RNF183: variants seen among roughly 807,000 people sequenced by gnomAD.
The protein encoded by RNF183 is ring finger protein 183.
In RNF183, 4 loss-of-function variants were observed where a neutral mutation model predicts 9.0. The observed-to-expected ratio is 0.44, with a 90% CI of 0.22 to 1.01. The LOEUF (loss-of-function observed/expected upper bound fraction) is 1.01, where lower values mean the gene tolerates loss of function less well. RNF183 is among the 50% of genes least tolerant of loss of function. The pLI, the probability that RNF183 is intolerant of heterozygous loss-of-function variation, is 0.25. For synonymous variants in RNF183, 102 were observed against 107.5 expected (o/e 0.95, Z 0.32); for missense variants, 227 against 253.6 (o/e 0.89, Z 0.71).
chr9:113,299,335 G>A (rs776518726), intron 4 of RNF183: 9 of 152,220 alleles, frequency 5.9e-5, no homozygotes, highest in African/African-American at 2.2e-4. Context: ...TGGCAATTTC[G>A]TCTTTGTAGA....
Position 113,297,687 on chromosome 9 carries a change from C to T in RNF183, c.498G>A (p.Leu166=), listed in dbSNP as rs758065620. 1.6e-5 allele frequency: 26 copies of T among 1,613,848 alleles called. No homozygotes were observed. The highest frequency in any genetic ancestry group is 1.0e-5 in the Non-Finnish European group (12 of 1,180,016). Residue 166 remains leucine (L), a synonymous_variant, in exon 5 of 5, where the codon CTG becomes CTA. Coordinates refer to ENST00000489339, the MANE Select transcript of RNF183 (RefSeq NM_001371237.1). ...GAGTGACACTGAGGATGACGGCCAT[C>T]AGGTAGGCAAAGATGCGGAACTGAG... The part of the protein sequence containing the change: ...RNPQFRIFAY[L]MAVILSVTLL...
chr9:113,297,496 G>A lies in RNF183; in HGVS notation c.*110C>T, dbSNP rs960038678. ...AAACACATGGCCTGAACAATCCCTG[G>A]ATTGTAAAATAAACAACACTACAAA... On this transcript the variant is annotated 3_prime_UTR_variant, in exon 5 of 5. Coordinates refer to ENST00000489339, the MANE Select transcript of RNF183 (RefSeq NM_001371237.1). 1 of 727,232 alleles carries A rather than the reference G, an allele frequency of 1.4e-6. No individual in the cohort carries two copies. The highest frequency in any genetic ancestry group is 2.7e-5 in the East Asian group (1 of 36,674). The allele number at this position is 727,232 out of a possible 1,614,324, so 45.0% of individuals were successfully genotyped here.
rs1832968029 is a variant in RNF183, at chr9:113,303,052, T to G, written c.-441+4A>C. 6.5e-6 allele frequency: 1 copy of G among 152,760 alleles called. No homozygotes were observed. Among genetic ancestry groups the G allele is most frequent in the Admixed American group, 6.5e-5 (1 of 15,288 alleles). The allele number at this position is 152,760 out of a possible 1,614,324, so 9.5% of individuals were successfully genotyped here. A position where few individuals can be genotyped will look rare whatever the true frequency, so the allele number is the denominator to read the frequency against. On this transcript the variant is annotated splice_donor_region_variant and intron_variant, in intron 1 of 4. Transcript: ENST00000489339. ...TCCCTCCGCGACCCTCTCTGTCTCCTTACCTGCTCCCTCGGAGCCGCCTCC... is the reference window on the plus strand; with the variant it reads ...TCCCTCCGCGACCCTCTCTGTCTCCGTACCTGCTCCCTCGGAGCCGCCTCC...
chr9:113,297,746 T>C lies in RNF183; in HGVS notation c.439A>G (p.Ser147Gly). The change falls in exon 5 of 5, where the codon AGC (serine) becomes GGC (glycine). Residue 147 changes from serine to glycine, a missense_variant. Transcript: ENST00000489339. ...AAACACTCCCTCAAAGAGTGGTGGCTGGGGATGAGGATGGGCGTAGACACG... is the reference window on the plus strand; with the variant it reads ...AAACACTCCCTCAAAGAGTGGTGGCCGGGGATGAGGATGGGCGTAGACACG... ...ATVSTPILIP[S>G]HHSLRECFRN... 1.2e-6 allele frequency: 2 copies of C among 1,613,926 alleles called. No individual in the cohort carries two copies. The highest frequency in any genetic ancestry group is 1.7e-6 in the Non-Finnish European group (2 of 1,179,972).
Position 113,297,559 on chromosome 9 carries a change from C to G in RNF183, c.*47G>C, listed in dbSNP as rs1832759808. 3.0e-6 allele frequency: 4 copies of G among 1,346,042 alleles called. No homozygotes were observed. Among genetic ancestry groups the G allele is most frequent in the Non-Finnish European group, 4.1e-6 (4 of 970,966 alleles). 83.4% of individuals were successfully genotyped at this position (1,346,042 alleles called of 1,614,324 possible). The stretch of plus-strand genomic sequence containing the variant: ...CAAATGAGGCTCCGTAGTCACCATA[C>G]CCAGCAGCAACCGAAAAAGGTTTGG... On this transcript the variant is annotated 3_prime_UTR_variant, in exon 5 of 5. Coordinates refer to ENST00000489339, the MANE Select transcript of RNF183 (RefSeq NM_001371237.1).
At position 113,298,105 on chromosome 9, in the gene RNF183, G is replaced by T. The variant is rs1015890758; in HGVS notation, c.80C>A (p.Pro27His). 1.9e-6 allele frequency: 3 copies of T among 1,614,096 alleles called. No individual in the cohort carries two copies. The East Asian group carries it at 6.7e-5, about 36-fold the overall frequency. Reference protein sequence around the residue: ...WNPFNNTFHTPKMLDCCHSFC... With the variant: ...WNPFNNTFHTHKMLDCCHSFC... ...GGAGTGGCAGCAATCCAGCATTTTG[G>T]GGGTATGGAACGTGTTGTTGAAGGG... Residue 27 changes from proline to histidine, a missense_variant, in exon 5 of 5, where the codon CCC (proline) becomes CAC (histidine). Pro to His is a moderately conservative substitution (Grantham distance 77). Transcript: ENST00000489339. This position sits in a 1 kb window ranked among gnomAD's most constrained non-coding sequence, Gnocchi z 4.9.
In RNF183 at chr9:113,297,225, C is replaced by G. The variant is rs182424297; in HGVS notation, c.*381G>C. The G allele has an allele frequency of 6.3e-4, 97 of 154,382 alleles. No homozygotes were observed. The East Asian group carries it at 0.014, about 23-fold the overall frequency. The allele number at this position is 154,382 out of a possible 1,614,324, so 9.6% of individuals were successfully genotyped here. ...TTTTTAGCAACCCATAGTAAAAGAG[C>G]AACTCAAAAAAATATGCACTGATTT... On this transcript the variant is annotated 3_prime_UTR_variant, in exon 5 of 5. Coordinates refer to ENST00000489339, the MANE Select transcript of RNF183 (RefSeq NM_001371237.1).
intron 3 of RNF183, among the ~76,000 whole-genome samples, chr9:113,300,571 C>T (rs888343973): frequency 1.3e-5 from 2 of 152,056 alleles, no homozygotes; most frequent in Non-Finnish European, 2.9e-5. Flanking sequence ...AGAGCTGAGA[C>T]CAAAGTATAT....
chr9:113,302,781 A>C (rs1832954937), intron 1 of RNF183, among the ~76,000 whole-genome samples: 1 of 152,232 alleles, frequency 6.6e-6, no homozygotes. Flanking sequence ...GGGAAGGAAT[A>C]GTCTATACGG....
At chr9:113,301,277 TTACACAAACC>T (rs1832910903) in intron 3 of RNF183, among the ~76,000 whole-genome samples, 1 of 152,170 alleles carries the variant, frequency 6.6e-6, no homozygotes, top group Non-Finnish European at 1.5e-5. Flanking sequence ...CAGAGAGTAT[TTACACAAACC>T]TAGATGGTAG....
chr9:113,302,513 C>T (rs1832947179), intron 1 of RNF183, among the ~76,000 whole-genome samples, 200 bp from the exon 2 acceptor site: 1 of 152,160 alleles, frequency 6.6e-6, no homozygotes, highest in Non-Finnish European at 1.5e-5. Flanking sequence ...TACAAAGGGC[C>T]CTGGCCCTTG....
Position 113,297,942 on chromosome 9 carries a change from G to A in RNF183, c.243C>T (p.Leu81=), listed in dbSNP as rs748507038. Reference sequence around the variant, plus strand: ...GGTGGGGCTCCAGGCGGAGCAGGGCGAGCATGGCAGTGTCCGTGGGCAAGT... The same window carrying A: ...GGTGGGGCTCCAGGCGGAGCAGGGCAAGCATGGCAGTGTCCGTGGGCAAGT... The part of the protein sequence containing the change: ...VTDLPTDTAM[L]ALLRLEPHHV... Residue 81 remains leucine, a synonymous_variant, in exon 5 of 5, where the codon CTC becomes CTT. Transcript: ENST00000489339. 22 of 1,613,820 alleles carry A rather than the reference G, an allele frequency of 1.4e-5. No individual in the cohort carries two copies. The highest frequency in any genetic ancestry group is 4.5e-5 in the East Asian group (2 of 44,862).
intron 4 of RNF183, chr9:113,299,116 G>A (rs898487711): frequency 1.3e-5 from 2 of 152,208 alleles, no homozygotes; most frequent in Admixed American, 1.3e-4. Context: ...GCAGCACCTG[G>A]GGCTGCCAGG....
In RNF183 at chr9:113,297,458, T is replaced by A; in HGVS notation, c.*148A>T. On this transcript the variant is annotated 3_prime_UTR_variant, in exon 5 of 5. Transcript: ENST00000489339. ...TCGTTTTTTTGTTTTTTTTTAAAAT[T>A]GTTCCCAGAAGCAAACACATGGCCT... is the stretch of plus-strand genomic sequence containing the variant. 1 of 550,292 alleles carries A rather than the reference T, an allele frequency of 1.8e-6. No individual in the cohort carries two copies. Among genetic ancestry groups the A allele is most frequent in the Non-Finnish European group, 3.1e-6 (1 of 323,016 alleles). The allele number at this position is 550,292 out of a possible 1,614,324, so 34.1% of individuals were successfully genotyped here. A position where few individuals can be genotyped will look rare whatever the true frequency, so the allele number is the denominator to read the frequency against.
At position 113,301,337 on chromosome 9, in the gene RNF183, C is replaced by T. The variant is rs535958218; in HGVS notation, c.-242+335G>A. ...CTAGGCTATACGGTCTAGCCTGTTG[C>T]TCCTAGGCTACAAACCCATACAGCT... On this transcript the variant is annotated intron_variant, in intron 3 of 4. Coordinates refer to ENST00000489339, the MANE Select transcript of RNF183 (RefSeq NM_001371237.1). 1.4e-4 allele frequency among the ~76,000 whole-genome samples: 21 copies of T among 152,332 alleles called. 1 individual carries two copies. The South Asian group carries it at 4.3e-3, about 32-fold the overall frequency.
Position 113,297,652 on chromosome 9 carries a change from A to G in RNF183, c.533T>C (p.Ile178Thr). ...CTGCTTGGTCCAAAAGATGGAGAAT[A>G]TGAGCAACAGAGTGACACTGAGGAT... ...AVILSVTLLLIFSIFWTKQFL... is the reference protein window; with the variant it reads ...AVILSVTLLLTFSIFWTKQFL... Residue 178 changes from isoleucine to threonine, a missense_variant, in exon 5 of 5, where the codon ATA (isoleucine) becomes ACA (threonine). Transcript: ENST00000489339. The G allele has an allele frequency of 6.2e-7, 1 of 1,612,388 alleles. No individual in the cohort carries two copies. The highest frequency in any genetic ancestry group is 1.1e-5 in the South Asian group (1 of 90,756).
intron 3 of RNF183, among the ~76,000 whole-genome samples, chr9:113,301,406 T>C (rs1832914855): frequency 6.6e-6 from 1 of 152,192 alleles, no homozygotes; most frequent in Non-Finnish European, 1.5e-5. Flanking sequence ...ACAATGATAA[T>C]TGCGTGTGTC....
chr9:113,299,328 C>A, intron 4 of RNF183: 1 of 152,402 alleles, frequency 6.6e-6, no homozygotes. Context: ...GGTAGGGTGG[C>A]AATTTCGTCT....
chr9:113,298,000 G>C lies in RNF183; in HGVS notation c.185C>G (p.Pro62Arg), dbSNP rs1159124833. 2 of 1,614,012 alleles carry C rather than the reference G, an allele frequency of 1.2e-6. No homozygotes were observed. Among genetic ancestry groups the C allele is most frequent in the East Asian group, 4.5e-5 (2 of 44,866 alleles). The change falls in exon 5 of 5, where the codon CCC becomes CGC. Residue 62 changes from proline (P) to arginine (R), a missense_variant. Physicochemically the swap from Pro to Arg is moderately radical, Grantham distance 103. Coordinates refer to ENST00000489339, the MANE Select transcript of RNF183 (RefSeq NM_001371237.1). ...AGGCTGCCCTGAGGCCAGCACTGTG[G>C]GCTGGCGACAGAGTGGGCACAGCAG... is the stretch of plus-strand genomic sequence containing the variant. Reference protein sequence around the residue: ...RRLLCPLCRQPTVLASGQPVT... With the variant: ...RRLLCPLCRQRTVLASGQPVT...
Sources: gnomAD v4.1 joint callset for allele counts (sites outside exome capture counted in the v4.1 genomes callset) on GRCh38, gnomAD v4.1.1 for gene constraint, Gnocchi (gnomAD v3.1) non-coding constraint, MANE v1.5 for transcripts, NCBI Gene and HGNC (gene_info 2026-07-23, HGNC 2026-07-21) for gene names.